IARS1: variants seen among roughly 807,000 people sequenced by gnomAD.
IARS1 encodes the protein isoleucine--tRNA ligase, cytoplasmic.
A neutral mutation model predicts 168.2 loss-of-function variants in IARS1; 124 were observed. The ratio of observed to expected loss-of-function variants is 0.74; its 90% CI spans 0.64 to 0.86. The LOEUF is 0.86. Among genes scored for constraint, IARS1 ranks in the 40% least tolerant of loss-of-function variants. The pLI, the probability that IARS1 is intolerant of heterozygous loss-of-function variation, is 0.00. For synonymous variants in IARS1, 532 were observed against 529.4 expected (o/e 1.00, Z -0.07); for missense variants, 1,452 against 1,515.8 (o/e 0.96, Z 0.70).
chr9:92,231,414 C>CTTTTTTTTTTTTT (rs869062848), intron 30 of IARS1, among the ~76,000 whole-genome samples: 1 of 135,134 alleles, frequency 7.4e-6, no homozygotes, highest in Non-Finnish European at 1.6e-5. Context: ...TTATTTTTTT[C>CTTTTTTTTTTTTT]TTTTTTTTTT....
chr9:92,291,372 C>T (rs998050434), intron 1 of IARS1, among the ~76,000 whole-genome samples: 2 of 152,122 alleles, frequency 1.3e-5, no homozygotes, highest in Non-Finnish European at 2.9e-5. Context: ...TCAAAAGCAT[C>T]ATAGTCTAAT....
At chr9:92,232,456 TGAAGCTATGAAGTATGAAG>T (rs1239733628) in intron 30 of IARS1, among the ~76,000 whole-genome samples, 4 of 152,126 alleles carry the variant, frequency 2.6e-5, no homozygotes, top group African/African-American at 9.7e-5. Context: ...TTTGGTAAGG[TGAAGCTATGAAGTATGAAG>T]GATGTGTGTT....
chr9:92,251,925 A>G (rs766273148), intron 21 of IARS1, 40 bp from the exon 22 acceptor site: 13 of 1,340,778 alleles, frequency 9.7e-6, no homozygotes, highest in African/African-American at 4.3e-5. Flanking sequence ...AAACTGTTAA[A>G]TAAGTGTTTA....
At chr9:92,218,061 A>C (rs1004265934) in intron 33 of IARS1, among the ~76,000 whole-genome samples, 12 of 152,172 alleles carry the variant, frequency 7.9e-5, no homozygotes, top group Non-Finnish European at 1.6e-4. Context: ...CAGCACATTA[A>C]AAAGCTTATC....
At position 92,229,054 on chromosome 9, in the gene IARS1, GT is replaced by G; in HGVS notation, c.3355del (p.Thr1119LeufsTer6). 6.2e-7 allele frequency: 1 copy of G among 1,614,000 alleles called. No homozygotes were observed. Among genetic ancestry groups the G allele is most frequent in the Admixed American group, 1.7e-5 (1 of 60,008 alleles). ...TGTATTTTTCACACCAAAAATGCTA[GT>G]GACAACACTCTTCAGCTTTAAAAGG... ...LDLLKLKSVV[T>X]SIFGVKNTEL... On this transcript the variant is annotated frameshift_variant, in exon 31 of 34. Transcript: ENST00000443024. LOFTEE classifies it high-confidence loss of function.
At chr9:92,272,010 G>A (rs1359336874) in intron 10 of IARS1, among the ~76,000 whole-genome samples, 4 of 152,168 alleles carry the variant, frequency 2.6e-5, no homozygotes, top group African/African-American at 9.7e-5. Context: ...ACACAGGAAT[G>A]TTTTAAAACT....
At chr9:92,241,492 T>A (rs1338707379) in intron 29 of IARS1, among the ~76,000 whole-genome samples, 1 of 152,098 alleles carries the variant, frequency 6.6e-6, no homozygotes, top group African/African-American at 2.4e-5. Context: ...ATTACAGGCG[T>A]GTACCACCAT....
chr9:92,258,923 A>C lies in IARS1; in HGVS notation c.1947T>G (p.Leu649=). 1 of 1,613,976 alleles carries C rather than the reference A, an allele frequency of 6.2e-7. No individual in the cohort carries two copies. The highest frequency in any genetic ancestry group is 8.5e-7 in the Non-Finnish European group (1 of 1,179,938). ...RFKEEGVRDV[L]KDVLLPWYNA... ...TGTACCATGGGAGCAGTACATCCTT[A>C]AGGACGTCCCGCACACCCTCTTCTT... is the stretch of plus-strand genomic sequence containing the variant. Residue 649 remains leucine (L), a synonymous_variant, in exon 19 of 34, where the codon CTT becomes CTG. Transcript: ENST00000443024.
Position 92,250,840 on chromosome 9 carries a change from T to G in IARS1, c.2308-6A>C, listed in dbSNP as rs767469501. The stretch of plus-strand genomic sequence containing the variant: ...AGAAAAGGTGTGTAGGGAGCCTGTA[T>G]GAAGACACAGGACATCATGTCAGTT... On this transcript the variant is annotated splice_region_variant and splice_polypyrimidine_tract_variant and intron_variant, in intron 22 of 33. Transcript: ENST00000443024. 2 of 1,598,220 alleles carry G rather than the reference T, an allele frequency of 1.3e-6. No homozygotes were observed. Among genetic ancestry groups the G allele is most frequent in the Non-Finnish European group, 1.7e-6 (2 of 1,173,438 alleles).
In IARS1 at chr9:92,223,426, G is replaced by A. The variant is rs148013992; in HGVS notation, c.3473C>T (p.Ser1158Leu). The A allele has an allele frequency of 8.5e-5, 137 of 1,613,712 alleles. No individual in the cohort carries two copies. Among genetic ancestry groups the A allele is most frequent in the Non-Finnish European group, 7.0e-5 (83 of 1,179,780 alleles). The change falls in exon 32 of 34, where the codon TCG becomes TTG. Residue 1158 changes from serine (S) to leucine (L), a missense_variant. Coordinates refer to ENST00000443024, the MANE Select transcript of IARS1 (RefSeq NM_002161.6). ...SGKTLCVTAG[S>L]APSLINSSST... ...AGAACTGTTGATCAGAGAGGGAGCC[G>A]ATCCTGCAGTCACACAAAGTGTTTT...
chr9:92,264,957 C>T lies in IARS1; in HGVS notation c.1672G>A (p.Ala558Thr), dbSNP rs774590355. The part of the protein sequence containing the change: ...FEDAFPADFI[A>T]EGIDQTRGWF... ...CCTCTGGTTTGGTCGATGCCCTCGG[C>T]AATGAAATCTGCAGGAAAAGCATCC... The change falls in exon 16 of 34, where the codon GCC (alanine) becomes ACC (threonine). Residue 558 changes from alanine (A) to threonine (T), a missense_variant. Coordinates refer to ENST00000443024, the MANE Select transcript of IARS1 (RefSeq NM_002161.6). 2 of 1,613,956 alleles carry T rather than the reference C, an allele frequency of 1.2e-6. No individual in the cohort carries two copies.
intron 1 of IARS1, among the ~76,000 whole-genome samples, chr9:92,293,110 C>T (rs538999205): frequency 6.6e-6 from 1 of 152,286 alleles, no homozygotes; most frequent in Non-Finnish European, 1.5e-5. Flanking sequence ...TCAAATGTAA[C>T]CTGAAAGTGG....
At chr9:92,286,854 G>A (rs945080267) in intron 4 of IARS1, among the ~76,000 whole-genome samples, 2 of 152,098 alleles carry the variant, frequency 1.3e-5, no homozygotes, top group African/African-American at 4.8e-5. Context: ...ACTTATAAAA[G>A]TCTACCAAAA....
At chr9:92,268,520 A>G (rs1233132817) in intron 13 of IARS1, among the ~76,000 whole-genome samples, 2 of 152,196 alleles carry the variant, frequency 1.3e-5, no homozygotes, top group African/African-American at 4.8e-5. Context: ...CCCACAGCAC[A>G]CAGGCCTCCC....
At chr9:92,215,804 C>T (rs1400315947) in intron 33 of IARS1, among the ~76,000 whole-genome samples, 1 of 151,826 alleles carries the variant, frequency 6.6e-6, no homozygotes, top group Non-Finnish European at 1.5e-5. Context: ...GACTGGTGTA[C>T]CTGAAAGTGA....
intron 1 of IARS1, 56 bp downstream of exon 1, chr9:92,293,555 C>A: frequency 2.0e-6 from 1 of 488,016 alleles, no homozygotes; most frequent in Non-Finnish European, 4.2e-6. Context: ...GGGGTTGTAA[C>A]GCGTGCGTGA....
At chr9:92,245,492 T>G (rs1472348841) in intron 26 of IARS1, among the ~76,000 whole-genome samples, 1 of 152,028 alleles carries the variant, frequency 6.6e-6, no homozygotes, top group African/African-American at 2.4e-5. Context: ...CTGAGCAAGG[T>G]GTGGTGAGGC....
chr9:92,249,650 A>C (rs1829727625), intron 25 of IARS1, among the ~76,000 whole-genome samples: 1 of 152,212 alleles, frequency 6.6e-6, no homozygotes, highest in East Asian at 1.9e-4. Context: ...ATGATAGGTA[A>C]AGAAATTCAT....
Position 92,271,027 on chromosome 9 carries a change from A to G in IARS1, c.1163T>C (p.Leu388Pro), listed in dbSNP as rs1832953488. The change falls in exon 12 of 34, where the codon CTG becomes CCG. Residue 388 changes from leucine to proline, a missense_variant. Physicochemically the swap from Leu to Pro is moderately conservative, Grantham distance 98 (BLOSUM62 -3). Coordinates refer to ENST00000443024, the MANE Select transcript of IARS1 (RefSeq NM_002161.6). Reference protein sequence around the residue: ...IRTLKEQGRLLVATTFTHSYP... With the variant: ...IRTLKEQGRLPVATTFTHSYP... ...GCTGTGAGTGAAGGTGGTGGCAACC[A>G]GAAGTCGGCCTTGTTCCTTCAAAGT... The G allele has an allele frequency of 6.2e-7, 1 of 1,612,382 alleles. No individual in the cohort carries two copies. The highest frequency in any genetic ancestry group is 1.1e-5 in the South Asian group (1 of 90,776).
Sources: gnomAD v4.1 joint callset for allele counts (sites outside exome capture counted in the v4.1 genomes callset) on GRCh38, gnomAD v4.1.1 for gene constraint, MANE v1.5 for transcripts, NCBI Gene and HGNC (gene_info 2026-07-23, HGNC 2026-07-21) for gene names.